AIFM3: variants seen among roughly 807,000 people sequenced by gnomAD.
The protein encoded by AIFM3 is apoptosis-inducing factor 3.
A neutral mutation model predicts 82.7 loss-of-function variants in AIFM3; 71 were observed. That is an observed-to-expected ratio of 0.86 (90% CI 0.71 to 1.05). The LOEUF is 1.05. Ranked by LOEUF, AIFM3 falls within the 50% of genes least tolerant of loss-of-function variation. The pLI, the probability that AIFM3 is intolerant of heterozygous loss-of-function variation, is 0.00. For synonymous variants in AIFM3, 337 were observed against 329.1 expected (o/e 1.02, Z -0.26); for missense variants, 748 against 816.7 (o/e 0.92, Z 1.03).
At chr22:20,979,440 C>A in intron 17 of AIFM3, 71 bp downstream of exon 17, 2 of 1,475,034 alleles carry the variant, frequency 1.4e-6, no homozygotes, top group Non-Finnish European at 9.2e-7. Flanking sequence ...TGGGGCGGGG[C>A]TGGGAGCCTA....
rs1923430402 is a variant in AIFM3, at chr22:20,973,778, G to A, written c.266G>A (p.Gly89Asp). 1.9e-6 allele frequency: 3 copies of A among 1,577,192 alleles called. No homozygotes were observed. The highest frequency in any genetic ancestry group is 1.3e-5 in the African/African-American group (1 of 74,338). Reference protein sequence around the residue: ...ENGQMREVELGWGKVLLVKDN... With the variant: ...ENGQMREVELDWGKVLLVKDN... ...CCCAGGATGCGGGAAGTGGAGCTGG[G>A]CTGGGGGAAGGTGTTGCTGGTGAAG... The change falls in exon 4 of 21, where the codon GGC becomes GAC. Residue 89 changes from glycine to aspartate, a missense_variant. By Grantham distance (94) the Gly-to-Asp change is moderately conservative. Around this residue, in one of 5 missense-constraint regions of AIFM3, gnomAD observed 148 missense variants for 134.1 expected, o/e 1.10. Coordinates refer to ENST00000440238, the MANE Select transcript of AIFM3 (RefSeq NM_001386814.1).
At position 20,974,174 on chromosome 22, in the gene AIFM3, T is replaced by A; in HGVS notation, c.465+2T>A. ...CTGGACAGTCTACACAAGTTCCAGG[T>A]GGGGCCAGGAGTGCGATGGGGTGGG... is the stretch of plus-strand genomic sequence containing the variant. On this transcript the variant is annotated splice_donor_variant, in intron 5 of 20. Transcript: ENST00000440238. LOFTEE classifies it high-confidence loss of function. 1 of 1,605,510 alleles carries A rather than the reference T, an allele frequency of 6.2e-7. No individual in the cohort carries two copies. Among genetic ancestry groups the A allele is most frequent in the South Asian group, 1.1e-5 (1 of 90,702 alleles).
At position 20,981,189 on chromosome 22, in the gene AIFM3, C is replaced by A; in HGVS notation, c.*158C>A. 1 of 982,140 alleles carries A rather than the reference C, an allele frequency of 1.0e-6. No homozygotes were observed. Among genetic ancestry groups the A allele is most frequent in the South Asian group, 1.6e-5 (1 of 64,368 alleles). The allele number at this position is 982,140 out of a possible 1,614,324, so 60.8% of individuals were successfully genotyped here. Reference sequence around the variant, plus strand: ...CCACCTGGCTCCCCTCCTGGGAGGCCTCTGCTGGATCCAGAAGATGCTCAA... The same window carrying A: ...CCACCTGGCTCCCCTCCTGGGAGGCATCTGCTGGATCCAGAAGATGCTCAA... On this transcript the variant is annotated 3_prime_UTR_variant, in exon 21 of 21. Coordinates refer to ENST00000440238, the MANE Select transcript of AIFM3 (RefSeq NM_001386814.1).
In AIFM3 at chr22:20,979,617, C is replaced by A; in HGVS notation, c.1577-10C>A. The A allele has an allele frequency of 6.2e-7, 1 of 1,614,088 alleles. No individual in the cohort carries two copies. Among genetic ancestry groups the A allele is most frequent in the Non-Finnish European group, 8.5e-7 (1 of 1,179,998 alleles). On this transcript the variant is annotated splice_polypyrimidine_tract_variant and intron_variant, in intron 17 of 20. Transcript: ENST00000440238. ...CTCACGTGGGTGCCACCCACCTGCC[C>A]GGCCCACAGGCTACGGAGAAGGCTT...
chr22:20,968,857 G>C (rs1354764454), intron 2 of AIFM3, among the ~76,000 whole-genome samples: 1 of 152,062 alleles, frequency 6.6e-6, no homozygotes, highest in African/African-American at 2.4e-5. Flanking sequence ...CCCCTTACCT[G>C]ATACCCATCA....
chr22:20,979,584 TC>T, intron 17 of AIFM3, 42 bp from the exon 18 acceptor site: 1 of 1,609,718 alleles, frequency 6.2e-7, no homozygotes. Flanking sequence ...TCTCGTTCCC[TC>T]CCCCGGCTCA....
chr22:20,970,560 A>C (rs1923206080), intron 2 of AIFM3, among the ~76,000 whole-genome samples: 1 of 152,208 alleles, frequency 6.6e-6, no homozygotes, highest in African/African-American at 2.4e-5. Context: ...TCCCAGGTTC[A>C]AGCGATTCTC....
chr22:20,971,837 T>G (rs1352506822), intron 2 of AIFM3, among the ~76,000 whole-genome samples: 1 of 152,170 alleles, frequency 6.6e-6, no homozygotes, highest in African/African-American at 2.4e-5. Context: ...TAGAAAAATA[T>G]CCCAGGCACA....
upstream of AIFM3, chr22:20,966,945 C>G (rs965109045): frequency 4.6e-5 from 7 of 152,804 alleles, no homozygotes; most frequent in African/African-American, 1.7e-4. Context: ...TTGGGCATGA[C>G]TGCCCACAGG....
intron 18 of AIFM3, 39 bp downstream of exon 18, chr22:20,979,741 G>T: frequency 6.2e-7 from 1 of 1,611,232 alleles, no homozygotes; most frequent in South Asian, 1.1e-5. Context: ...GAAGCAGCGG[G>T]AGCTCAGTCG....
chr22:20,980,727 T>C lies in AIFM3; in HGVS notation c.1758-20T>C. ...CTCTCCTTGGCCTTCTCTCCGTTTC[T>C]CTCTCTTGCCTTCGTGAAGGCTGTT... On this transcript the variant is annotated intron_variant, in intron 19 of 20. Coordinates refer to ENST00000440238, the MANE Select transcript of AIFM3 (RefSeq NM_001386814.1). The C allele has an allele frequency of 6.2e-7, 1 of 1,614,156 alleles. No individual in the cohort carries two copies. The highest frequency in any genetic ancestry group is 1.3e-5 in the African/African-American group (1 of 75,044).
In AIFM3 at chr22:20,973,488, T is replaced by A. The variant is rs142254599; in HGVS notation, c.213T>A (p.Ala71=). Residue 71 remains alanine (A), a synonymous_variant, in exon 3 of 21, where the codon GCT becomes GCA. Coordinates refer to ENST00000440238, the MANE Select transcript of AIFM3 (RefSeq NM_001386814.1). ...YPSPQDCVEA[A]VCHVKDLENG... ...GCCCTCAGGATTGCGTGGAGGCTGCTGTCTGCCACGTCAAGGACCTCGAGA... is the reference window on the plus strand; with the variant it reads ...GCCCTCAGGATTGCGTGGAGGCTGCAGTCTGCCACGTCAAGGACCTCGAGA... 6 of 1,612,758 alleles carry A rather than the reference T, an allele frequency of 3.7e-6. No individual in the cohort carries two copies. In the East Asian group the frequency reaches 1.3e-4, roughly 36 times the overall value.
chr22:20,973,231 G>C, intron 2 of AIFM3, 76 bp from the exon 3 acceptor site: 1 of 1,510,462 alleles, frequency 6.6e-7, no homozygotes, highest in Non-Finnish European at 9.0e-7. Context: ...CGAGGAGCTG[G>C]CCTCTGCACC....
At chr22:20,979,493 T>C in intron 17 of AIFM3, 124 bp downstream of exon 17, 1 of 1,479,966 alleles carries the variant, frequency 6.8e-7, no homozygotes, top group Non-Finnish European at 9.4e-7. Context: ...CGGTAAGAAC[T>C]CGCTGGCGGC....
chr22:20,979,521 A>G, intron 17 of AIFM3, 106 bp from the exon 18 acceptor site: 1 of 1,489,968 alleles, frequency 6.7e-7, no homozygotes, highest in Non-Finnish European at 9.3e-7. Flanking sequence ...CGAACTACCT[A>G]AAAGGACGTA....
At chr22:20,977,636 G>A in intron 14 of AIFM3, 64 bp from the exon 15 acceptor site, 1 of 1,595,334 alleles carries the variant, frequency 6.3e-7, no homozygotes, top group Non-Finnish European at 8.6e-7. Flanking sequence ...ATGCTGTAGG[G>A]TGTGGAGAGT....
Position 20,980,030 on chromosome 22 carries a change from G to T in AIFM3, c.1663G>T (p.Val555Leu). Residue 555 changes from valine to leucine, a missense_variant, in exon 19 of 21, where the codon GTG (valine) becomes TTG (leucine). Physicochemically the swap from Val to Leu is conservative, Grantham distance 32 (BLOSUM62 1). This residue lies in a region of AIFM3 where 183 missense variants were observed against 158.2 expected (regional missense o/e 1.16). Coordinates refer to ENST00000440238, the MANE Select transcript of AIFM3 (RefSeq NM_001386814.1). ...FVAFYTKGDE[V>L]IAVASMNYDP... ...ATCCTCTCCTTGCAGAGGCGACGAG[G>T]TGATCGCCGTGGCCAGCATGAACTA... 6.2e-7 allele frequency: 1 copy of T among 1,610,888 alleles called. No individual in the cohort carries two copies. Among genetic ancestry groups the T allele is most frequent in the African/African-American group, 1.3e-5 (1 of 75,054 alleles).
Position 20,978,092 on chromosome 22 carries a change from T to G in AIFM3, c.1477+87T>G, listed in dbSNP as rs924720180. On this transcript the variant is annotated intron_variant, in intron 16 of 20. Coordinates refer to ENST00000440238, the MANE Select transcript of AIFM3 (RefSeq NM_001386814.1). Reference sequence around the variant, plus strand: ...ATGCCCATGCCTCAGTTGCTGACCTTGGGTCCTGGACACTGTTAGGCATCA... The same window carrying G: ...ATGCCCATGCCTCAGTTGCTGACCTGGGGTCCTGGACACTGTTAGGCATCA... 23 of 1,243,804 alleles carry G rather than the reference T, an allele frequency of 1.8e-5. No homozygotes were observed. The African/African-American group carries it at 2.6e-4, about 14-fold the overall frequency. The allele number at this position is 1,243,804 out of a possible 1,614,324, so 77.0% of individuals were successfully genotyped here. A position where few individuals can be genotyped will look rare whatever the true frequency, so the allele number is the denominator to read the frequency against.
At chr22:20,969,792 G>A (rs1334962600) in intron 2 of AIFM3, among the ~76,000 whole-genome samples, 1 of 152,182 alleles carries the variant, frequency 6.6e-6, no homozygotes, top group Non-Finnish European at 1.5e-5. Context: ...CCCATGCTGG[G>A]CAGGTCAGGC....
Sources: allele counts gnomAD v4.1 joint callset (sites outside exome capture counted in the v4.1 genomes callset), GRCh38; gene constraint gnomAD v4.1.1; regional missense constraint gnomAD v4.1.1; transcripts MANE v1.5; gene names NCBI Gene and HGNC (gene_info 2026-07-23, HGNC 2026-07-21).